The following ASTN2 variants were observed in gnomAD, a reference collection of about 807,000 sequenced individuals.
The protein encoded by ASTN2 is astrotactin-2.
In ASTN2, 54 loss-of-function variants were observed where a neutral mutation model predicts 139.8. The observed-to-expected ratio is 0.39, with a 90% CI of 0.31 to 0.48. The LOEUF (loss-of-function observed/expected upper bound fraction) is 0.48. Ranked by LOEUF, ASTN2 falls within the 20% of genes least tolerant of loss-of-function variation. The pLI, the probability that ASTN2 is intolerant of heterozygous loss-of-function variation, is 0.95. For missense variants in ASTN2, 1,565 were observed against 1,725.1 expected (o/e 0.91, Z 1.64); for synonymous variants, 756 against 719.5 (o/e 1.05, Z -0.81).
At chr9:117,188,627 C>T (rs1308665074) in intron 3 of ASTN2, among the ~76,000 whole-genome samples, 1 of 152,108 alleles carries the variant, frequency 6.6e-6, no homozygotes, top group East Asian at 1.9e-4. Flanking sequence ...TGTTAACCAC[C>T]CAGGATGGCT....
intron 10 of ASTN2, among the ~76,000 whole-genome samples, chr9:116,901,473 T>A (rs1298485089): frequency 6.6e-6 from 1 of 152,174 alleles, no homozygotes; most frequent in Non-Finnish European, 1.5e-5. Context: ...GCTGAGATCA[T>A]AATGGAGCTG....
chr9:116,948,609 C>T (rs1835463425), intron 10 of ASTN2, among the ~76,000 whole-genome samples: 1 of 151,652 alleles, frequency 6.6e-6, no homozygotes. Context: ...ACTACATATG[C>T]TCATTGCTAT....
At chr9:116,591,922 A>G (rs1380341293) in intron 19 of ASTN2, among the ~76,000 whole-genome samples, 1 of 152,210 alleles carries the variant, frequency 6.6e-6, no homozygotes, top group East Asian at 1.9e-4. Flanking sequence ...AAATAAATGA[A>G]GACATTCTGC....
intron 7 of ASTN2, among the ~76,000 whole-genome samples, chr9:117,002,274 G>A (rs1837212928): frequency 6.6e-6 from 1 of 152,184 alleles, no homozygotes; most frequent in Non-Finnish European, 1.5e-5. Flanking sequence ...TGATGATTCT[G>A]TAGAAGAAGT....
At chr9:117,363,835 C>A (rs1198662752) in intron 1 of ASTN2, among the ~76,000 whole-genome samples, 1 of 152,120 alleles carries the variant, frequency 6.6e-6, no homozygotes, top group East Asian at 1.9e-4. Flanking sequence ...TTATTTCATG[C>A]AGTCATGCCT....
chr9:117,207,708 C>G (rs931928955), intron 3 of ASTN2, among the ~76,000 whole-genome samples: 2 of 152,156 alleles, frequency 1.3e-5, no homozygotes, highest in African/African-American at 4.8e-5. Flanking sequence ...GCTGAGATAC[C>G]ACGTGCCCTT....
chr9:116,915,206 T>C (rs1310343522), intron 10 of ASTN2, among the ~76,000 whole-genome samples: 1 of 152,196 alleles, frequency 6.6e-6, no homozygotes, highest in African/African-American at 2.4e-5. Context: ...AACATGTCTG[T>C]AGCAGTGACT....
intron 1 of ASTN2, among the ~76,000 whole-genome samples, chr9:117,374,369 TAAAAAAAAA>T (rs57428022): frequency 2.3e-5 from 2 of 87,340 alleles, no homozygotes; most frequent in Admixed American, 1.3e-4. Flanking sequence ...AGGGCAGGGT[TAAAAAAAAA>T]AAAAAAAAAA....
intron 5 of ASTN2, among the ~76,000 whole-genome samples, chr9:117,063,167 G>A (rs941020648): frequency 6.6e-6 from 1 of 152,100 alleles, no homozygotes; most frequent in Non-Finnish European, 1.5e-5. Context: ...TATATTCCAT[G>A]GTAATATGTT....
chr9:116,682,646 A>C (rs1207260385), intron 16 of ASTN2, among the ~76,000 whole-genome samples: 1 of 152,212 alleles, frequency 6.6e-6, no homozygotes, highest in Admixed American at 6.5e-5. Context: ...ACAATGATAG[A>C]CTGGATTAAG....
At chr9:116,774,593 T>C (rs1830034093) in intron 13 of ASTN2, among the ~76,000 whole-genome samples, 1 of 152,182 alleles carries the variant, frequency 6.6e-6, no homozygotes, top group South Asian at 2.1e-4. Flanking sequence ...TCTTCAGCAC[T>C]AGGTGACCCA....
chr9:117,269,719 T>C lies in ASTN2; in HGVS notation c.630+21607A>G, dbSNP rs1205575663. Among the ~76,000 whole-genome samples, 3 of 152,340 alleles carry C rather than the reference T, an allele frequency of 2.0e-5. No individual in the cohort carries two copies. In the East Asian group the frequency reaches 5.8e-4, roughly 29 times the overall value. On this transcript the variant is annotated intron_variant, in intron 2 of 22. Transcript: ENST00000313400. ...AATGCTCACAGCAAACAAAATGGTG[T>C]AAGTCTAGCCATCATTCTAATTTGC...
At chr9:117,157,589 A>G (rs577695451) in intron 3 of ASTN2, among the ~76,000 whole-genome samples, 1 of 152,202 alleles carries the variant, frequency 6.6e-6, no homozygotes, top group African/African-American at 2.4e-5. Context: ...CTTCATCTGC[A>G]AAACAGGGAC....
intron 5 of ASTN2, among the ~76,000 whole-genome samples, chr9:117,065,725 A>C (rs1295457550): frequency 6.6e-6 from 1 of 152,088 alleles, no homozygotes; most frequent in Non-Finnish European, 1.5e-5. Context: ...CAATTATAGA[A>C]CCCACAGCCA....
chr9:117,046,216 G>C (rs184069328), intron 5 of ASTN2, among the ~76,000 whole-genome samples: 23 of 152,228 alleles, frequency 1.5e-4, no homozygotes, highest in African/African-American at 5.3e-4. Context: ...GGCCAGGCTA[G>C]TCTTGAACTC....
intron 10 of ASTN2, among the ~76,000 whole-genome samples, chr9:116,875,581 G>T (rs1012912255): frequency 9.9e-5 from 15 of 152,202 alleles, no homozygotes; most frequent in African/African-American, 3.6e-4. Flanking sequence ...TCCAACAACC[G>T]ATTTTCAATG....
intron 13 of ASTN2, among the ~76,000 whole-genome samples, chr9:116,757,869 T>A (rs1829576531): frequency 6.6e-6 from 1 of 152,160 alleles, no homozygotes; most frequent in Non-Finnish European, 1.5e-5. Context: ...AAAAGTTATA[T>A]GCTTAACAAA....
intron 16 of ASTN2, among the ~76,000 whole-genome samples, chr9:116,719,635 A>C (rs1828416787): frequency 6.6e-6 from 1 of 152,130 alleles, no homozygotes; most frequent in African/African-American, 2.4e-5. Flanking sequence ...TGGAGGTATA[A>C]AGTAGAACTC....
intron 11 of ASTN2, among the ~76,000 whole-genome samples, chr9:116,860,308 C>T (rs886124449): frequency 6.6e-6 from 1 of 152,180 alleles, no homozygotes; most frequent in Non-Finnish European, 1.5e-5. Context: ...ATACGCTGTG[C>T]TCCTAAATTT....
Sources: allele counts gnomAD v4.1 joint callset (sites outside exome capture counted in the v4.1 genomes callset), GRCh38; gene constraint gnomAD v4.1.1; transcripts MANE v1.5; gene names NCBI Gene and HGNC (gene_info 2026-07-23, HGNC 2026-07-21).